DLGAP3: variants seen among roughly 807,000 people sequenced by gnomAD.
DLGAP3 encodes the protein disks large-associated protein 3.
In DLGAP3, 17 loss-of-function variants were observed where a neutral mutation model predicts 81.2. That is an observed-to-expected ratio of 0.21 (90% CI 0.14 to 0.31). The LOEUF is 0.31. Among genes scored for constraint, DLGAP3 ranks in the 10% least tolerant of loss-of-function variants. DLGAP3 has a pLI of 1.00. For missense variants in DLGAP3, 1,124 were observed against 1,388.0 expected (o/e 0.81, Z 3.02); for synonymous variants, 577 against 587.4 (o/e 0.98, Z 0.26).
chr1:34,878,330 A>G (rs1239619871), intron 8 of DLGAP3, among the ~76,000 whole-genome samples: 1 of 152,176 alleles, frequency 6.6e-6, no homozygotes, highest in African/African-American at 2.4e-5. Context: ...AAAATAAAAA[A>G]ATAAGCAACA....
chr1:34,894,844 A>C (rs1004063759), intron 5 of DLGAP3, among the ~76,000 whole-genome samples: 1 of 152,200 alleles, frequency 6.6e-6, no homozygotes, highest in Non-Finnish European at 1.5e-5. Context: ...ATAATAATAG[A>C]GACTAATTTG....
At position 34,900,373 on chromosome 1, in the gene DLGAP3, T is replaced by C. The variant is rs773216325; in HGVS notation, c.1108-100A>G. 3 of 1,256,802 alleles carry C rather than the reference T, an allele frequency of 2.4e-6. No homozygotes were observed. Among genetic ancestry groups the C allele is most frequent in the Non-Finnish European group, 2.3e-6 (2 of 867,668 alleles). The allele number at this position is 1,256,802 out of a possible 1,614,324, so 77.9% of individuals were successfully genotyped here. ...CAGTGGGAGATGCCCTGCCCTGGCT[T>C]GAACAGGCACACTCAGGTACATGCA... On this transcript the variant is annotated intron_variant, in intron 3 of 11. Transcript: ENST00000373347. This position sits in a 1 kb window ranked among gnomAD's most constrained non-coding sequence, Gnocchi z 5.6.
chr1:34,904,169 C>T lies in DLGAP3; in HGVS notation c.1107+108G>A. 2 of 1,391,438 alleles carry T rather than the reference C, an allele frequency of 1.4e-6. No homozygotes were observed. The highest frequency in any genetic ancestry group is 4.6e-5 in the East Asian group (2 of 43,930). 86.2% of individuals were successfully genotyped at this position (1,391,438 alleles called of 1,614,324 possible). ...GGCAGAGCCTCCCTACACCCAGGCC[C>T]TCCATCACAGGGACAGCTGGCTCCC... is the stretch of plus-strand genomic sequence containing the variant. On this transcript the variant is annotated intron_variant, in intron 3 of 11. Transcript: ENST00000373347. This position sits in a 1 kb window ranked among gnomAD's most constrained non-coding sequence, Gnocchi z 8.1.
chr1:34,879,788 G>A (rs889883024), intron 8 of DLGAP3, among the ~76,000 whole-genome samples: 28 of 152,066 alleles, frequency 1.8e-4, no homozygotes, highest in African/African-American at 6.7e-4. Context: ...TAAAAATACC[G>A]CTTCCCAAAA....
chr1:34,919,004 C>T (rs6699355), intron 1 of DLGAP3, among the ~76,000 whole-genome samples: 97,199 of 152,096 alleles, frequency 0.64, 38,004 homozygotes, highest in Non-Finnish European at 0.88. Flanking sequence ...CTTTCCTCAT[C>T]GTCCACGTGG....
rs1639214185 is a variant in DLGAP3 at position 34,885,721 on chromosome 1, G to C, written c.1671C>G (p.Thr557=). 2.1e-6 allele frequency: 3 copies of C among 1,421,218 alleles called. No homozygotes were observed. Among genetic ancestry groups the C allele is most frequent in the Non-Finnish European group, 2.7e-6 (3 of 1,096,070 alleles). 88.0% of individuals were successfully genotyped at this position (1,421,218 alleles called of 1,614,324 possible). A position where few individuals can be genotyped will look rare whatever the true frequency, so the allele number is the denominator to read the frequency against. ...GSQAPPRISI[T]AQSSTDSAHE... is the part of the protein sequence containing the mutation. Reference sequence around the variant, plus strand: ...GCGCGGAGTCGGTGCTGCTCTGGGCGGTGATGGAGATGCGGGGCGGGGCCT... The same window carrying C: ...GCGCGGAGTCGGTGCTGCTCTGGGCCGTGATGGAGATGCGGGGCGGGGCCT... Residue 557 remains threonine (T), a synonymous_variant, in exon 7 of 12, where the codon ACC becomes ACG. Coordinates refer to ENST00000373347, the MANE Select transcript of DLGAP3 (RefSeq NM_001080418.3).
At chr1:34,921,953 T>C (rs1158495309) in intron 1 of DLGAP3, among the ~76,000 whole-genome samples, 2 of 152,196 alleles carry the variant, frequency 1.3e-5, no homozygotes, top group Non-Finnish European at 2.9e-5. Context: ...ACAAGTAATA[T>C]GCACATGTAC....
intron 8 of DLGAP3, among the ~76,000 whole-genome samples, chr1:34,882,493 T>C (rs983206082): frequency 6.6e-6 from 1 of 151,792 alleles, no homozygotes; most frequent in Admixed American, 6.6e-5. Context: ...AAAATAAAAT[T>C]AAAATAAAAA....
chr1:34,886,370 C>T, intron 5 of DLGAP3, 85 bp from the exon 6 acceptor site: 3 of 1,252,450 alleles, frequency 2.4e-6, no homozygotes, highest in Non-Finnish European at 3.3e-6. Context: ...AGGGGAAGAC[C>T]TCTCTATATC....
At chr1:34,909,971 A>G (rs952163753) in intron 1 of DLGAP3, among the ~76,000 whole-genome samples, 1 of 152,164 alleles carries the variant, frequency 6.6e-6, no homozygotes, top group Non-Finnish European at 1.5e-5. Flanking sequence ...TTGGCTAATG[A>G]TATACACATG....
At chr1:34,879,448 T>C (rs945934165) in intron 8 of DLGAP3, among the ~76,000 whole-genome samples, 2 of 152,312 alleles carry the variant, frequency 1.3e-5, no homozygotes, top group Middle Eastern at 3.4e-3. Context: ...TAATGCTCAC[T>C]CACCTGCTGC....
intron 1 of DLGAP3, among the ~76,000 whole-genome samples, chr1:34,925,737 G>A (rs1639863898): frequency 3.9e-5 from 6 of 152,192 alleles, no homozygotes; most frequent in Admixed American, 3.9e-4. Flanking sequence ...AAAGGGCATA[G>A]AAGCAGGGGC....
chr1:34,884,927 T>C lies in DLGAP3; in HGVS notation c.2000+51A>G, dbSNP rs773701063. 13 of 1,376,104 alleles carry C rather than the reference T, an allele frequency of 9.4e-6. No homozygotes were observed. In the South Asian group the frequency reaches 1.5e-4, roughly 16 times the overall value. 85.2% of individuals were successfully genotyped at this position (1,376,104 alleles called of 1,614,324 possible). ...GGCTAGTGGGGACACTATGCAGCCC[T>C]CTCTCCTCCTGTCTCCCAGCGAAGC... On this transcript the variant is annotated intron_variant, in intron 8 of 11. Transcript: ENST00000373347.
At chr1:34,917,460 G>A (rs1639735790) in intron 1 of DLGAP3, among the ~76,000 whole-genome samples, 1 of 149,682 alleles carries the variant, frequency 6.7e-6, no homozygotes, top group South Asian at 2.1e-4. Flanking sequence ...CAATCCTCCT[G>A]CCTCAGCCTC....
chr1:34,894,951 T>G (rs781107308), intron 5 of DLGAP3, among the ~76,000 whole-genome samples: 3 of 152,224 alleles, frequency 2.0e-5, no homozygotes. Context: ...ACTTAAGTAT[T>G]TGAGGTGATG....
At chr1:34,866,359 T>TCCGCCCCC in intron 11 of DLGAP3, 58 bp from the exon 12 acceptor site, 1 of 1,373,746 alleles carries the variant, frequency 7.3e-7, no homozygotes, top group South Asian at 1.4e-5. Context: ...CACCCAGGTG[T>TCCGCCCCC]CCGCCCCCGC....
rs1041899037 is a variant in DLGAP3 at position 34,874,510 on chromosome 1, G to A, written c.2001-5421C>T. 9.8e-5 allele frequency among the ~76,000 whole-genome samples: 15 copies of A among 152,314 alleles called. 1 individual carries two copies. The South Asian group carries it at 1.2e-3, about 13-fold the overall frequency. ...TTCAGCTGTGAATTGTCATTAATGC[G>A]TAACAATGCATTCACAATATTTTCT... On this transcript the variant is annotated intron_variant, in intron 8 of 11. Transcript: ENST00000373347.
chr1:34,865,946 C>T lies in DLGAP3; in HGVS notation c.*137G>A. ...AGGTAAAAAACCCACGAGAGTGTGA[C>T]GGGCCCGGGGGCCGGGGCGTCCGGT... On this transcript the variant is annotated 3_prime_UTR_variant, in exon 12 of 12. Coordinates refer to ENST00000373347, the MANE Select transcript of DLGAP3 (RefSeq NM_001080418.3). 2 of 782,652 alleles carry T rather than the reference C, an allele frequency of 2.6e-6. No homozygotes were observed. Among genetic ancestry groups the T allele is most frequent in the African/African-American group, 3.5e-5 (2 of 56,510 alleles). The allele number at this position is 782,652 out of a possible 1,614,324, so 48.5% of individuals were successfully genotyped here. A position where few individuals can be genotyped will look rare whatever the true frequency, so the allele number is the denominator to read the frequency against.
Position 34,913,989 on chromosome 1 carries a change from A to G in DLGAP3, c.-134-6552T>C, listed in dbSNP as rs1639679082. On this transcript the variant is annotated intron_variant, in intron 1 of 11. Transcript: ENST00000373347. The stretch of plus-strand genomic sequence containing the variant: ...AGCTCAGGGAAGGTCGTGGAGGGAG[A>G]AGGGAGAATAAGAAGGAAAAAGGTG... 3.9e-5 allele frequency among the ~76,000 whole-genome samples: 6 copies of G among 152,098 alleles called. No individual in the cohort carries two copies. The South Asian group carries it at 1.2e-3, about 32-fold the overall frequency.
Sources: gnomAD v4.1 joint callset for allele counts (sites outside exome capture counted in the v4.1 genomes callset) on GRCh38, gnomAD v4.1.1 for gene constraint, Gnocchi (gnomAD v3.1) non-coding constraint, MANE v1.5 for transcripts, NCBI Gene and HGNC (gene_info 2026-07-23, HGNC 2026-07-21) for gene names.